VPS39: variants seen among roughly 807,000 people sequenced by gnomAD.
The protein encoded by VPS39 is VPS39 subunit of HOPS complex.
Under a neutral mutation model 121.0 loss-of-function variants are expected in VPS39, and 70 were observed. The ratio of observed to expected loss-of-function variants is 0.58; its 90% CI spans 0.48 to 0.71. VPS39 has a LOEUF of 0.71. VPS39 is among the 30% of genes least tolerant of loss of function. VPS39 has a pLI of 0.00. For missense variants in VPS39, 818 were observed against 1,051.5 expected (o/e 0.78, Z 3.07); for synonymous variants, 378 against 398.1 (o/e 0.95, Z 0.60).
At chr15:42,189,870 G>C (rs1292210111) in intron 4 of VPS39, among the ~76,000 whole-genome samples, 1 of 123,522 alleles carries the variant, frequency 8.1e-6, no homozygotes, top group African/African-American at 2.8e-5. Context: ...CAACAAAAGG[G>C]GCATGATCTC....
chr15:42,188,257 T>C (rs146700756), intron 5 of VPS39, among the ~76,000 whole-genome samples: 10 of 152,270 alleles, frequency 6.6e-5, no homozygotes, highest in African/African-American at 2.4e-4. Flanking sequence ...TTTAAGCCTT[T>C]AAAGAGCAAG....
intron 8 of VPS39, among the ~76,000 whole-genome samples, chr15:42,180,350 T>C (rs1471114718): frequency 2.0e-5 from 3 of 152,244 alleles, no homozygotes; most frequent in Admixed American, 6.5e-5. Flanking sequence ...TATTGGGTTA[T>C]ACTCCTTTTC....
rs1001471316 is a variant in VPS39 at position 42,158,849 on chromosome 15, C to G, written c.*1905G>C. On this transcript the variant is annotated 3_prime_UTR_variant, in exon 25 of 25. Transcript: ENST00000318006. Reference sequence around the variant, plus strand: ...GGGAAGGAAGAATGGAGCTTGGGAGCATGGGATCATGTATGTATACCAGGA... The same window carrying G: ...GGGAAGGAAGAATGGAGCTTGGGAGGATGGGATCATGTATGTATACCAGGA... 1.3e-5 allele frequency: 2 copies of G among 152,224 alleles called. No homozygotes were observed. Among genetic ancestry groups the G allele is most frequent in the African/African-American group, 4.8e-5 (2 of 41,436 alleles). 9.4% of individuals were successfully genotyped at this position (152,224 alleles called of 1,614,324 possible).
At chr15:42,162,595 G>C in intron 21 of VPS39, 114 bp from the exon 22 acceptor site, 2 of 1,265,576 alleles carry the variant, frequency 1.6e-6, no homozygotes, top group Non-Finnish European at 2.1e-6. Context: ...CTATCACTGA[G>C]CATGTAAAAC....
intron 17 of VPS39, 143 bp from the exon 18 acceptor site, chr15:42,165,256 G>A (rs775180188): frequency 1.8e-4 from 132 of 721,952 alleles, no homozygotes; most frequent in East Asian, 6.1e-4. Flanking sequence ...GAGACAGCTC[G>A]TCTAAAGCCA....
At chr15:42,170,940 C>T (rs2049336892) in intron 11 of VPS39, among the ~76,000 whole-genome samples, 3 of 151,824 alleles carry the variant, frequency 2.0e-5, no homozygotes, top group Admixed American at 2.0e-4. Flanking sequence ...CACTATGTTG[C>T]CTAGGCTGGT....
At chr15:42,181,200 T>C (rs928514845) in intron 8 of VPS39, among the ~76,000 whole-genome samples, 1 of 152,204 alleles carries the variant, frequency 6.6e-6, no homozygotes, top group Non-Finnish European at 1.5e-5. Flanking sequence ...AATTATTTTA[T>C]TACCTTTTTA....
chr15:42,207,389 T>C (rs1258192245), intron 1 of VPS39, among the ~76,000 whole-genome samples: 3 of 152,192 alleles, frequency 2.0e-5, no homozygotes, highest in African/African-American at 4.8e-5. Flanking sequence ...TTCATTTGTA[T>C]TTCAGAGCAC....
chr15:42,199,631 C>G lies in VPS39; in HGVS notation c.139+265G>C, dbSNP rs1396654972. The stretch of plus-strand genomic sequence containing the variant: ...GAAAAGAGGAGGAAAACAACCACCT[C>G]CTCTTTTCTTAGAGACTCACTACCA... On this transcript the variant is annotated intron_variant, in intron 2 of 24. Coordinates refer to ENST00000318006, the MANE Select transcript of VPS39 (RefSeq NM_015289.5). 1.2e-5 allele frequency: 6 copies of G among 489,794 alleles called. No individual in the cohort carries two copies. The East Asian group carries it at 3.2e-4, about 26-fold the overall frequency. The allele number at this position is 489,794 out of a possible 1,614,324, so 30.3% of individuals were successfully genotyped here. A position where few individuals can be genotyped will look rare whatever the true frequency, so the allele number is the denominator to read the frequency against.
At chr15:42,167,822 A>C (rs904875360) in intron 12 of VPS39, among the ~76,000 whole-genome samples, 2 of 152,224 alleles carry the variant, frequency 1.3e-5, no homozygotes, top group African/African-American at 4.8e-5. Context: ...AACCCAAGGC[A>C]CAGGTGTCAG....
chr15:42,169,969 T>TAAA, intron 11 of VPS39, 103 bp from the exon 12 acceptor site: 4 of 952,064 alleles, frequency 4.2e-6, no homozygotes, highest in Non-Finnish European at 5.6e-6. Flanking sequence ...CAGACTGATT[T>TAAA]AAAAAAAAAA....
intron 18 of VPS39, 157 bp from the exon 19 acceptor site, chr15:42,164,643 T>C: frequency 6.9e-7 from 1 of 1,440,550 alleles, no homozygotes. Flanking sequence ...GTTCATAGTC[T>C]CCATGTGGCC....
chr15:42,191,221 A>G, intron 3 of VPS39, 54 bp from the exon 4 acceptor site: 1 of 1,596,970 alleles, frequency 6.3e-7, no homozygotes. Flanking sequence ...AAGGTTTAGC[A>G]AATGTTCATT....
intron 1 of VPS39, among the ~76,000 whole-genome samples, chr15:42,205,982 T>A (rs965660849): frequency 6.6e-6 from 1 of 152,202 alleles, no homozygotes; most frequent in African/African-American, 2.4e-5. Context: ...AAATGCCACT[T>A]GCTGAGACGT....
chr15:42,168,399 G>T (rs113781123), intron 12 of VPS39, among the ~76,000 whole-genome samples: 1 of 152,168 alleles, frequency 6.6e-6, no homozygotes, highest in South Asian at 2.1e-4. Context: ...CTCCTTGCAG[G>T]CTGCCAGCCC....
Position 42,164,985 on chromosome 15 carries a change from A to G in VPS39, c.1897+11T>C, listed in dbSNP as rs559933063. The G allele has an allele frequency of 6.2e-7, 1 of 1,614,132 alleles. No homozygotes were observed. The highest frequency in any genetic ancestry group is 1.7e-5 in the Admixed American group (1 of 60,026). On this transcript the variant is annotated intron_variant, in intron 18 of 24. Coordinates refer to ENST00000318006, the MANE Select transcript of VPS39 (RefSeq NM_015289.5). Reference sequence around the variant, plus strand: ...GCCTGGGGCCAACCGGCTTCCTAAAAGAACTGGTACCTGCAGGGAAGGACA... The same window carrying G: ...GCCTGGGGCCAACCGGCTTCCTAAAGGAACTGGTACCTGCAGGGAAGGACA...
chr15:42,162,815 T>C (rs538103371), intron 21 of VPS39: 75 of 245,834 alleles, frequency 3.1e-4, no homozygotes, highest in African/African-American at 1.6e-3. Context: ...TTTTTGCAGG[T>C]GGGGATATCC....
In VPS39 at chr15:42,178,438, GA is replaced by G; in HGVS notation, c.839+11del. ...ATAATATACAGCCATAGCAAAAAAAGAAATTCCTTACCCTCCTGAGGTAATG... is the reference window on the plus strand; with the variant it reads ...ATAATATACAGCCATAGCAAAAAAAGAATTCCTTACCCTCCTGAGGTAATG... On this transcript the variant is annotated intron_variant, in intron 9 of 24. Coordinates refer to ENST00000318006, the MANE Select transcript of VPS39 (RefSeq NM_015289.5). The G allele has an allele frequency of 6.2e-7, 1 of 1,614,164 alleles. No homozygotes were observed. Among genetic ancestry groups the G allele is most frequent in the Non-Finnish European group, 8.5e-7 (1 of 1,180,032 alleles).
rs544924290 is a variant in VPS39, at chr15:42,200,805, G to A, written c.74-844C>T. ...GCTAAAAGATGGAAACAAACCAAAT[G>A]TCCACCAACTGATGAACGGATAAAC... is the stretch of plus-strand genomic sequence containing the variant. On this transcript the variant is annotated intron_variant, in intron 1 of 24. Coordinates refer to ENST00000318006, the MANE Select transcript of VPS39 (RefSeq NM_015289.5). Among the ~76,000 whole-genome samples, 5 of 152,274 alleles carry A rather than the reference G, an allele frequency of 3.3e-5. No homozygotes were observed. The East Asian group carries it at 9.6e-4, about 29-fold the overall frequency.
Sources: allele counts gnomAD v4.1 joint callset (sites outside exome capture counted in the v4.1 genomes callset), GRCh38; gene constraint gnomAD v4.1.1; transcripts MANE v1.5; gene names NCBI Gene and HGNC (gene_info 2026-07-23, HGNC 2026-07-21).